Variants in NCOA1 observed in about 807,000 individuals in gnomAD.
The protein encoded by NCOA1 is Hin-2 protein.
A neutral mutation model predicts 150.9 loss-of-function variants in NCOA1; 35 were observed. That is an observed-to-expected ratio of 0.23 (90% confidence interval 0.18 to 0.31). NCOA1 has a LOEUF of 0.31. NCOA1 is among the 10% of genes least tolerant of loss of function. NCOA1 has a pLI of 1.00. For synonymous variants in NCOA1, 590 were observed against 630.0 expected (o/e 0.94, Z 0.95); for missense variants, 1,491 against 1,749.3 (o/e 0.85, Z 2.63).
In NCOA1 at chr2:24,752,012, C is replaced by T. The variant is rs1664272330; in HGVS notation, c.3737C>T (p.Ala1246Val). The change falls in exon 20 of 23, where the codon GCT (alanine) becomes GTT (valine). Residue 1246 changes from alanine (A) to valine (V), a missense_variant. This residue lies in a region of NCOA1 where 485 missense variants were observed against 522.8 expected (regional missense o/e 0.93). Transcript: ENST00000348332. The part of the protein sequence containing the change: ...GMVPQGEANF[A>V]PSLSPGSSMV... The stretch of plus-strand genomic sequence containing the variant: ...GTTCCCCAAGGTGAGGCCAACTTTG[C>T]TCCATCTCTAAGCCCTGGGAGCTCC... 1.2e-6 allele frequency: 2 copies of T among 1,613,392 alleles called. No homozygotes were observed. The highest frequency in any genetic ancestry group is 1.7e-5 in the Admixed American group (1 of 59,932).
chr2:24,517,779 A>G (rs923462017), intron 1 of NCOA1, among the ~76,000 whole-genome samples: 1 of 152,166 alleles, frequency 6.6e-6, no homozygotes, highest in Non-Finnish European at 1.5e-5. Context: ...GATGGTAGAG[A>G]TAGTATGGTT....
chr2:24,732,252 C>G (rs80164787), intron 17 of NCOA1, among the ~76,000 whole-genome samples: 114 of 152,302 alleles, frequency 7.5e-4, no homozygotes, highest in African/African-American at 2.6e-3. Flanking sequence ...CTTTGCTTCC[C>G]TTAAATCTCA....
At chr2:24,673,271 A>G (rs1167474130) in intron 6 of NCOA1, 95 bp from the exon 7 acceptor site, 2 of 756,632 alleles carry the variant, frequency 2.6e-6, no homozygotes, top group East Asian at 2.9e-5. Context: ...TGTTATTTGA[A>G]TTTGAAATTT....
chr2:24,577,576 T>G (rs1667043407), intron 2 of NCOA1, among the ~76,000 whole-genome samples: 1 of 152,236 alleles, frequency 6.6e-6, no homozygotes, highest in Admixed American at 6.5e-5. Flanking sequence ...GTGTAGAATT[T>G]AACTGCTTTT....
intron 10 of NCOA1, 103 bp from the exon 11 acceptor site, chr2:24,697,555 A>G: frequency 1.0e-6 from 1 of 1,002,446 alleles, no homozygotes; most frequent in Non-Finnish European, 1.4e-6. Context: ...TTGTTTATTG[A>G]GTATTTGGAA....
intron 1 of NCOA1, among the ~76,000 whole-genome samples, chr2:24,503,702 G>A (rs772090554): frequency 4.0e-5 from 6 of 150,102 alleles, no homozygotes; most frequent in Non-Finnish European, 7.4e-5. Context: ...CTTCACTCAC[G>A]TGAAATTTTT....
chr2:24,691,037 C>T (rs995685707), intron 8 of NCOA1, among the ~76,000 whole-genome samples: 24 of 152,138 alleles, frequency 1.6e-4, no homozygotes, highest in African/African-American at 2.4e-5. Flanking sequence ...CAGAAAGGTG[C>T]ACATCCACAC....
intron 2 of NCOA1, among the ~76,000 whole-genome samples, chr2:24,578,295 A>G (rs754174273): frequency 3.9e-5 from 6 of 152,112 alleles, no homozygotes; most frequent in South Asian, 4.1e-4. Context: ...TTCATATGCA[A>G]ATGTTATGGT....
intron 22 of NCOA1, among the ~76,000 whole-genome samples, chr2:24,763,616 CTTTTTT>C (rs1179539444): frequency 1.2e-5 from 1 of 85,310 alleles, no homozygotes; most frequent in Non-Finnish European, 2.3e-5. Context: ...GTCTCTCTCT[CTTTTTT>C]TTTTTTTTTT....
At chr2:24,590,994 T>C (rs2148333623) in intron 3 of NCOA1, among the ~76,000 whole-genome samples, 1 of 152,348 alleles carries the variant, frequency 6.6e-6, no homozygotes, top group South Asian at 2.1e-4. Context: ...GTGGAGCACC[T>C]GTCATGAAGG....
intron 1 of NCOA1, among the ~76,000 whole-genome samples, chr2:24,536,447 C>T (rs1483315236): frequency 2.0e-5 from 3 of 152,216 alleles, no homozygotes; most frequent in East Asian, 3.8e-4. Context: ...CTGAAGCCTA[C>T]TTCTGTCATC....
At chr2:24,697,583 C>A in intron 10 of NCOA1, 75 bp from the exon 11 acceptor site, 3 of 1,258,194 alleles carry the variant, frequency 2.4e-6, no homozygotes, top group South Asian at 1.5e-5. Flanking sequence ...TTCTTAGATG[C>A]AGTTGTTAGT....
rs10165305 is a variant in NCOA1, at chr2:24,725,336, C to T, written c.2600-1253C>T. Reference sequence around the variant, plus strand: ...TTTATTTTCTCACAATTCTGGAAGCCTAAAGTAGTTTTGGTTTCTTCTGAG... The same window carrying T: ...TTTATTTTCTCACAATTCTGGAAGCTTAAAGTAGTTTTGGTTTCTTCTGAG... On this transcript the variant is annotated intron_variant, in intron 14 of 22. Transcript: ENST00000348332. Among the ~76,000 whole-genome samples the T allele has an allele frequency of 7.0e-3, 1,059 of 152,182 alleles. 20 individuals carry two copies. Among genetic ancestry groups the T allele is most frequent in the African/African-American group, 0.024 (993 of 41,546 alleles).
rs62140853 is a variant in NCOA1, at chr2:24,530,868, G to A, written c.-395-33427G>A. On this transcript the variant is annotated intron_variant, in intron 1 of 22. Transcript: ENST00000348332. ...TTTAAAGGGGGTTGATTACTATGTG[G>A]CCAAAGTCTTATGGAGATTTCTTAT... is the stretch of plus-strand genomic sequence containing the variant. Among the ~76,000 whole-genome samples, 1,234 of 152,254 alleles carry A rather than the reference G, an allele frequency of 8.1e-3. 9 individuals carry two copies. Among genetic ancestry groups the A allele is most frequent in the Non-Finnish European group, 0.014 (965 of 68,012 alleles).
At chr2:24,547,763 C>T (rs1364006480) in intron 1 of NCOA1, among the ~76,000 whole-genome samples, 8 of 151,680 alleles carry the variant, frequency 5.3e-5, no homozygotes, top group African/African-American at 1.5e-4. Context: ...CCGAGGTGGG[C>T]GGATCATGAG....
intron 17 of NCOA1, 27 bp downstream of exon 17, chr2:24,729,842 A>T (rs774891611): frequency 1.9e-6 from 3 of 1,559,644 alleles, no homozygotes; most frequent in South Asian, 2.3e-5. Flanking sequence ...AGCAGTTGAT[A>T]CTTTTTTTTT....
chr2:24,634,930 T>C (rs1015369070), intron 3 of NCOA1, among the ~76,000 whole-genome samples: 14 of 152,012 alleles, frequency 9.2e-5, no homozygotes, highest in Non-Finnish European at 8.8e-5. Context: ...TTGCCCAAGC[T>C]ATTCTCAAAC....
chr2:24,703,178 A>G (rs1673249834), intron 11 of NCOA1, among the ~76,000 whole-genome samples: 1 of 152,136 alleles, frequency 6.6e-6, no homozygotes, highest in Admixed American at 6.5e-5. Flanking sequence ...GGTGAATGTT[A>G]ATTTGCATTA....
At chr2:24,734,270 A>G (rs1034132925) in intron 17 of NCOA1, among the ~76,000 whole-genome samples, 1 of 152,140 alleles carries the variant, frequency 6.6e-6, no homozygotes, top group Non-Finnish European at 1.5e-5. Flanking sequence ...GAACATCCAA[A>G]AAAAAATACT....
Sources: allele counts gnomAD v4.1 joint callset (sites outside exome capture counted in the v4.1 genomes callset), GRCh38; gene constraint gnomAD v4.1.1; regional missense constraint gnomAD v4.1.1; transcripts MANE v1.5; gene names NCBI Gene and HGNC (gene_info 2026-07-23, HGNC 2026-07-21).